The following LRRFIP2 variants were observed in gnomAD, a reference collection of about 807,000 sequenced individuals.
LRRFIP2 encodes the protein leucine-rich repeat flightless-interacting protein 2.
A neutral mutation model predicts 125.9 loss-of-function variants in LRRFIP2; 109 were observed. The observed-to-expected ratio is 0.87, with a 90% CI of 0.74 to 1.01. The LOEUF (loss-of-function observed/expected upper bound fraction) is 1.01, where lower values mean the gene tolerates loss of function less well. Ranked by LOEUF, LRRFIP2 falls within the 50% of genes least tolerant of loss-of-function variation. The probability of loss-of-function intolerance (pLI) is 0.00; values close to 1 mark genes in which losing one functional copy is unlikely to be tolerated. For synonymous variants in LRRFIP2, 291 were observed against 293.1 expected, an observed-to-expected ratio of 0.99 and a Z score of 0.07; for missense variants, 850 against 862.3, an observed-to-expected ratio of 0.99 and a Z score of 0.18.
rs1278506194 is a variant in LRRFIP2, at chr3:37,118,101, T to G, written c.331-3006A>C. On this transcript the variant is annotated intron_variant, in intron 6 of 27. Coordinates refer to ENST00000336686, the MANE Select transcript of LRRFIP2 (RefSeq NM_006309.4). ...GCTCTGATTCAATCAAGATCACTTT[T>G]TCTTCGTTTTTATGCTGTGGCACAA... is the stretch of plus-strand genomic sequence containing the variant. Among the ~76,000 whole-genome samples, 7 of 152,310 alleles carry G rather than the reference T, an allele frequency of 4.6e-5. No homozygotes were observed. The South Asian group carries it at 8.3e-4, about 18-fold the overall frequency.
chr3:37,138,817 C>A (rs1358811858), intron 2 of LRRFIP2, among the ~76,000 whole-genome samples: 1 of 152,224 alleles, frequency 6.6e-6, no homozygotes, highest in East Asian at 1.9e-4. Flanking sequence ...TACCACAGAT[C>A]TTAGCAACCT....
chr3:37,111,769 T>C, intron 8 of LRRFIP2: 1 of 152,434 alleles, frequency 6.6e-6, no homozygotes. Flanking sequence ...TAGCCCTGCC[T>C]TCCCACACCG....
chr3:37,149,131 C>A, intron 1 of LRRFIP2, 93 bp from the exon 2 acceptor site: 3 of 950,122 alleles, frequency 3.2e-6, no homozygotes, highest in Non-Finnish European at 4.5e-6. Flanking sequence ...AAATTAGTCA[C>A]CAAATACCTC....
Position 37,167,197 on chromosome 3 carries a change from CAAAA to C in LRRFIP2, c.-56+7338_-56+7341del, listed in dbSNP as rs570958652. Among the ~76,000 whole-genome samples, 5 of 50,928 alleles carry C rather than the reference CAAAA, an allele frequency of 9.8e-5. No homozygotes were observed. In the South Asian group the frequency reaches 2.1e-3, roughly 22 times the overall value. 33.4% of individuals were successfully genotyped at this position (50,928 alleles called of 152,430 possible). A position where few individuals can be genotyped will look rare whatever the true frequency, so the allele number is the denominator to read the frequency against. ...GGGTGCCAAAGCAAAATCTTGTCTC[CAAAA>C]AAAAAAAAAAAAGAAAGAAAGAAAG... On this transcript the variant is annotated intron_variant, in intron 1 of 27. Coordinates refer to ENST00000336686, the MANE Select transcript of LRRFIP2 (RefSeq NM_006309.4).
chr3:37,160,761 A>G (rs1232365306), intron 1 of LRRFIP2, among the ~76,000 whole-genome samples: 1 of 151,750 alleles, frequency 6.6e-6, no homozygotes, highest in Non-Finnish European at 1.5e-5. Flanking sequence ...CCTGGGCAAC[A>G]GGAGTGAAAC....
intron 9 of LRRFIP2, among the ~76,000 whole-genome samples, 165 bp downstream of exon 9, chr3:37,110,826 G>T (rs1010723877): frequency 2.0e-5 from 3 of 152,034 alleles, no homozygotes; most frequent in Non-Finnish European, 4.4e-5. Context: ...AATAGTTCCC[G>T]TTGTTTAAAG....
chr3:37,089,302 T>C (rs916007088), intron 18 of LRRFIP2, among the ~76,000 whole-genome samples: 2 of 152,108 alleles, frequency 1.3e-5, no homozygotes, highest in African/African-American at 4.8e-5. Context: ...CACATGAATA[T>C]ATATACACAT....
rs1224733430 is a variant in LRRFIP2 at position 37,135,053 on chromosome 3, C to T, written c.91-5904G>A. The T allele has an allele frequency of 4.0e-5, 57 of 1,410,574 alleles. 2 individuals carry two copies. The highest frequency in any genetic ancestry group is 2.7e-4 in the Admixed American group (16 of 59,228). The allele number at this position is 1,410,574 out of a possible 1,614,324, so 87.4% of individuals were successfully genotyped here. A position where few individuals can be genotyped will look rare whatever the true frequency, so the allele number is the denominator to read the frequency against. ...CACACGGATCCATAAAATAGACAGA[C>T]GTAAAAGTACAACAGAATATCTCGG... On this transcript the variant is annotated intron_variant, in intron 2 of 27. Transcript: ENST00000336686.
At chr3:37,071,953 G>A (rs550636458) in intron 21 of LRRFIP2, among the ~76,000 whole-genome samples, 10 of 152,112 alleles carry the variant, frequency 6.6e-5, no homozygotes, top group Non-Finnish European at 8.8e-5. Context: ...AAGACATTTC[G>A]TTTATCTGGG....
chr3:37,134,398 G>C (rs755048012), intron 2 of LRRFIP2, among the ~76,000 whole-genome samples: 2 of 152,188 alleles, frequency 1.3e-5, no homozygotes, highest in Admixed American at 6.5e-5. Context: ...ACTGCATCTC[G>C]CAAGAATTTG....
chr3:37,054,303 C>T, intron 27 of LRRFIP2, 108 bp downstream of exon 27: 1 of 844,596 alleles, frequency 1.2e-6, no homozygotes, highest in Admixed American at 2.3e-5. Context: ...TAAGTGACTC[C>T]ACTGCTGTTT....
At chr3:37,076,033 C>T (rs2091970297) in intron 19 of LRRFIP2, among the ~76,000 whole-genome samples, 1 of 151,996 alleles carries the variant, frequency 6.6e-6, no homozygotes, top group South Asian at 2.1e-4. Flanking sequence ...TACCACACAC[C>T]AGGACAAATT....
chr3:37,132,762 G>T (rs1175470227), intron 2 of LRRFIP2, among the ~76,000 whole-genome samples: 2 of 152,084 alleles, frequency 1.3e-5, no homozygotes, highest in Non-Finnish European at 2.9e-5. Context: ...AATTATTTTT[G>T]AATAGACAAT....
chr3:37,114,323 A>G (rs1444063368), intron 7 of LRRFIP2, among the ~76,000 whole-genome samples: 1 of 152,186 alleles, frequency 6.6e-6, no homozygotes, highest in Non-Finnish European at 1.5e-5. Context: ...GGTGTCCTCT[A>G]ACACTACTGG....
At chr3:37,055,503 TTGCAGTGAGCTAAGATCGCGCCAC>T in intron 25 of LRRFIP2, among the ~76,000 whole-genome samples, 1 of 152,016 alleles carries the variant, frequency 6.6e-6, no homozygotes, top group South Asian at 2.1e-4. Flanking sequence ...GAGGCAGAGG[TTGCAGTGAGCTAAGATCGCGCCAC>T]TGCACTCCAG....
At chr3:37,054,937 C>T (rs1483460950) in intron 26 of LRRFIP2, 149 bp downstream of exon 26, 2 of 584,146 alleles carry the variant, frequency 3.4e-6, no homozygotes, top group Admixed American at 3.7e-5. Flanking sequence ...GCTAAAATGT[C>T]CCAACAAGTG....
chr3:37,105,590 A>T, intron 13 of LRRFIP2, 67 bp from the exon 14 acceptor site: 1 of 1,175,502 alleles, frequency 8.5e-7, no homozygotes, highest in Non-Finnish European at 1.3e-6. Context: ...CATTATAAGT[A>T]CATTAAGGAA....
In LRRFIP2 at chr3:37,100,363, CATACATACATACATGT is replaced by C. The variant is rs60869868; in HGVS notation, c.873+2545_873+2560del. ...ATGTATGTATGCGTATATATATACACATACATACATACATGTATACATACATACATACATGTGTATG... is the reference window on the plus strand; with the variant it reads ...ATGTATGTATGCGTATATATATACACATACATACATACATACATGTGTATG... On this transcript the variant is annotated intron_variant, in intron 15 of 27. Transcript: ENST00000336686. 7.8e-3 allele frequency among the ~76,000 whole-genome samples: 1,141 copies of C among 145,886 alleles called. 18 individuals carry two copies. Among genetic ancestry groups the C allele is most frequent in the African/African-American group, 0.03 (1,085 of 36,570 alleles).
rs1270607848 is a variant in LRRFIP2, at chr3:37,060,782, C to T, written c.1750-1872G>A. 4.6e-5 allele frequency among the ~76,000 whole-genome samples: 7 copies of T among 152,144 alleles called. No individual in the cohort carries two copies. Among genetic ancestry groups the T allele is most frequent in the Non-Finnish European group, 7.3e-5 (5 of 68,030 alleles). ...CATTGCCAAAATCCCATTCCTTCAT[C>T]ACCATTTATTAAATAGCTCCCAACT... is the stretch of plus-strand genomic sequence containing the variant. On this transcript the variant is annotated intron_variant, in intron 24 of 27. Transcript: ENST00000336686. The surrounding 1 kb of genome is among the most constrained non-coding windows in gnomAD (Gnocchi z 4.1).
Sources: gnomAD v4.1 joint callset for allele counts (sites outside exome capture counted in the v4.1 genomes callset) on GRCh38, gnomAD v4.1.1 for gene constraint, Gnocchi (gnomAD v3.1) non-coding constraint, MANE v1.5 for transcripts, NCBI Gene and HGNC (gene_info 2026-07-23, HGNC 2026-07-21) for gene names.